Variants in BRCC3 observed in about 807,000 individuals in gnomAD.
The protein encoded by BRCC3 is BRCA1/BRCA2-containing complex subunit 3.
In BRCC3, 15 loss-of-function variants were observed where a neutral mutation model predicts 28.0. That is an observed-to-expected ratio of 0.54 (90% CI 0.36 to 0.82). The LOEUF (loss-of-function observed/expected upper bound fraction) is 0.82. Among genes scored for constraint, BRCC3 ranks in the 40% least tolerant of loss-of-function variants. The probability of loss-of-function intolerance (pLI) is 0.01; values close to 1 mark genes in which losing one functional copy is unlikely to be tolerated. For synonymous variants in BRCC3, 66 were observed against 80.3 expected, an observed-to-expected ratio of 0.82 and a Z score of 0.95; for missense variants, 109 against 225.9, an observed-to-expected ratio of 0.48 and a Z score of 3.32.
intron 7 of BRCC3, among the ~76,000 whole-genome samples, chrX:155,091,655 C>T (rs2074176053): frequency 9.0e-6 from 1 of 111,488 alleles, no homozygotes; most frequent in Non-Finnish European, 1.9e-5. Context: ...ACTGTATTGC[C>T]TTTTTTCTTG....
intron 7 of BRCC3, among the ~76,000 whole-genome samples, chrX:155,111,683 T>C (rs1427378487): frequency 4.5e-5 from 5 of 112,062 alleles, no homozygotes; most frequent in Admixed American, 9.4e-5. Flanking sequence ...TACATCTTCA[T>C]GACCTTCAAT....
rs782337218 is a variant in BRCC3 at position 155,096,579 on chromosome X, A to G, written c.548+5740A>G. 2.7e-4 allele frequency among the ~76,000 whole-genome samples: 30 copies of G among 112,219 alleles called. 1 individual carries two copies. Among genetic ancestry groups the G allele is most frequent in the Non-Finnish European group, 5.3e-4 (28 of 53,249 alleles). On this transcript the variant is annotated intron_variant, in intron 7 of 10. Transcript: ENST00000330045. ...AATGAGACATTACTTCCCACACACT[A>G]CTACCCAATGTCATCTACAGATCCA... is the stretch of plus-strand genomic sequence containing the variant.
At chrX:155,076,392 CAAAAAAACAAAAAAACA>C (rs1444645983) in intron 3 of BRCC3, among the ~76,000 whole-genome samples, 1 of 102,812 alleles carries the variant, frequency 9.7e-6, no homozygotes, top group African/African-American at 3.8e-5. Context: ...GTGTCAAAAA[CAAAAAAACAAAAAAACA>C]AAAAAAAAAC....
chrX:155,073,691 G>C lies in BRCC3; in HGVS notation c.195+260G>C, dbSNP rs782746074. On this transcript the variant is annotated intron_variant, in intron 3 of 10. Transcript: ENST00000330045. ...CCTTGCTGTCACTGCCTGTTTTCTGGCCCTTCTCCCACTTTCCTTGATACT... is the reference window on the plus strand; with the variant it reads ...CCTTGCTGTCACTGCCTGTTTTCTGCCCCTTCTCCCACTTTCCTTGATACT... Among the ~76,000 whole-genome samples, 11 of 111,050 alleles carry C rather than the reference G, an allele frequency of 9.9e-5. No homozygotes were observed. In the South Asian group the frequency reaches 2.7e-3, roughly 27 times the overall value.
chrX:155,076,931 CTA>C (rs2074049136), intron 3 of BRCC3, among the ~76,000 whole-genome samples: 1 of 111,835 alleles, frequency 8.9e-6, no homozygotes, highest in African/African-American at 3.3e-5. Context: ...GTTGATCATC[CTA>C]AAAGTCCTTC....
chrX:155,105,555 T>C (rs1557297417), intron 7 of BRCC3, among the ~76,000 whole-genome samples: 2 of 112,534 alleles, frequency 1.8e-5, no homozygotes, highest in African/African-American at 3.2e-5. Context: ...AGCTCCCTAT[T>C]CACTTGGATC....
At chrX:155,119,867 A>G (rs1367135816) in intron 9 of BRCC3, 132 bp from the exon 10 acceptor site, 46 of 513,068 alleles carry the variant, frequency 9.0e-5, no homozygotes, top group Non-Finnish European at 1.4e-4. Context: ...TACTTATTAC[A>G]CTTTTTCTAC....
Position 155,090,859 on chromosome X carries a change from A to G in BRCC3, c.548+20A>G, listed in dbSNP as rs2074169984. 1 of 1,107,008 alleles carries G rather than the reference A, an allele frequency of 9.0e-7. No individual in the cohort carries two copies. The allele number at this position is 1,107,008 out of a possible 1,213,427, so 91.2% of individuals were successfully genotyped here. ...TTCAGAGTAAGTATGAGAGAGACTT[A>G]TGTGTGTATTGGAGGGCTAATCTCC... On this transcript the variant is annotated intron_variant, in intron 7 of 10. Transcript: ENST00000330045.
intron 4 of BRCC3, among the ~76,000 whole-genome samples, chrX:155,078,137 A>T (rs2074060268): frequency 8.8e-6 from 1 of 113,048 alleles, no homozygotes; most frequent in African/African-American, 3.2e-5. Flanking sequence ...GCAGCTGAAG[A>T]AATGGGCTAA....
chrX:155,084,158 A>G (rs781947336), intron 5 of BRCC3, among the ~76,000 whole-genome samples: 15 of 112,493 alleles, frequency 1.3e-4, no homozygotes, highest in African/African-American at 4.5e-4. Flanking sequence ...ACGTTTGCAA[A>G]AGAAAAATAA....
At chrX:155,119,908 ATGGTTGGGGGTC>A (rs782067865) in intron 9 of BRCC3, 79 bp from the exon 10 acceptor site, 3 of 765,574 alleles carry the variant, frequency 3.9e-6, no homozygotes, top group Non-Finnish European at 5.6e-6. Flanking sequence ...TTCTGTGCTC[ATGGTTGGGGGTC>A]TGTTGGTGAT....
At chrX:155,077,438 T>C (rs2074053147) in intron 4 of BRCC3, 149 bp downstream of exon 4, 1 of 495,241 alleles carries the variant, frequency 2.0e-6, no homozygotes, top group African/African-American at 2.5e-5. Flanking sequence ...TCTCTATTTC[T>C]CCTTTTGAGT....
At chrX:155,083,444 TG>T (rs1557294389) in intron 5 of BRCC3, among the ~76,000 whole-genome samples, 1 of 112,377 alleles carries the variant, frequency 8.9e-6, no homozygotes, top group African/African-American at 3.2e-5. Flanking sequence ...TACTTGTCAC[TG>T]TGCCTCTCTT....
chrX:155,105,353 C>T (rs1057188821), intron 7 of BRCC3, among the ~76,000 whole-genome samples: 14 of 111,451 alleles, frequency 1.3e-4, no homozygotes, highest in Non-Finnish European at 1.1e-4. Flanking sequence ...TGTGGTGGCG[C>T]ATGCCTGTAA....
intron 10 of BRCC3, among the ~76,000 whole-genome samples, chrX:155,120,412 G>A (rs193145745): frequency 8.9e-6 from 1 of 111,949 alleles, no homozygotes; most frequent in African/African-American, 3.2e-5. Flanking sequence ...ACAATGGCAA[G>A]GAATATCTTA....
intron 5 of BRCC3, among the ~76,000 whole-genome samples, chrX:155,084,122 G>A (rs1284665901): frequency 5.3e-5 from 6 of 112,263 alleles, no homozygotes; most frequent in South Asian, 3.7e-4. Context: ...CACACTTAAC[G>A]TACCTGAATT....
chrX:155,094,963 T>C (rs1434670875), intron 7 of BRCC3, among the ~76,000 whole-genome samples: 4 of 112,346 alleles, frequency 3.6e-5, no homozygotes, highest in East Asian at 2.8e-4. Context: ...CATGTAGGAA[T>C]TGTGTGATAA....
chrX:155,097,919 C>T (rs1437754181), intron 7 of BRCC3, among the ~76,000 whole-genome samples: 2 of 111,404 alleles, frequency 1.8e-5, no homozygotes, highest in South Asian at 3.8e-4. Flanking sequence ...AGGCGTGAAC[C>T]CGGGAGGCGG....
intron 3 of BRCC3, among the ~76,000 whole-genome samples, chrX:155,076,574 G>A (rs2074045801): frequency 1.8e-5 from 2 of 109,735 alleles, no homozygotes; most frequent in African/African-American, 6.7e-5. Flanking sequence ...GAGTGAGGGG[G>A]GAAGTGCCAC....
Sources: allele counts gnomAD v4.1 joint callset (sites outside exome capture counted in the v4.1 genomes callset), GRCh38; gene constraint gnomAD v4.1.1; transcripts MANE v1.5; gene names NCBI Gene and HGNC (gene_info 2026-07-23, HGNC 2026-07-21).